The following RMDN2 variants were observed in gnomAD, a reference collection of about 807,000 sequenced individuals.
The protein encoded by RMDN2 is regulator of microtubule dynamics 2.
In RMDN2, 61 loss-of-function variants were observed where a neutral mutation model predicts 52.8. The ratio of observed to expected loss-of-function variants is 1.16; its 90% CI spans 0.94 to 1.43. The LOEUF is 1.43. RMDN2 is among the 40% of genes most tolerant of loss of function. The probability of loss-of-function intolerance (pLI) is 0.00; values close to 1 mark genes in which losing one functional copy is unlikely to be tolerated. For synonymous variants in RMDN2, 180 were observed against 153.1 expected (o/e 1.18, Z -1.30); for missense variants, 592 against 475.3 (o/e 1.25, Z -2.28).
chr2:37,933,020 G>A (rs1191036545), intron 2 of RMDN2, among the ~76,000 whole-genome samples: 2 of 151,740 alleles, frequency 1.3e-5, no homozygotes, highest in Non-Finnish European at 2.9e-5. Context: ...CTTCTCAGAC[G>A]GGGCGGCTGC....
intron 7 of RMDN2, among the ~76,000 whole-genome samples, chr2:37,992,037 G>A (rs1453033686): frequency 2.6e-5 from 4 of 152,178 alleles, no homozygotes; most frequent in Non-Finnish European, 4.4e-5. Context: ...GAAGAAGGAA[G>A]TTTGCTTTTA....
intron 2 of RMDN2, among the ~76,000 whole-genome samples, chr2:37,956,721 T>C (rs912457678): frequency 7.2e-5 from 11 of 152,128 alleles, no homozygotes; most frequent in African/African-American, 1.7e-4. Flanking sequence ...GTTTGTTACA[T>C]AGGTAGACTT....
intron 10 of RMDN2, among the ~76,000 whole-genome samples, chr2:38,035,637 A>G (rs1323031243): frequency 2.0e-5 from 3 of 152,250 alleles, no homozygotes. Context: ...AAAAATGTAT[A>G]TGATAAAAGA....
chr2:37,925,530 TC>T, intron 1 of RMDN2, 105 bp downstream of exon 1: 1 of 152,522 alleles, frequency 6.6e-6, no homozygotes, highest in Non-Finnish European at 1.5e-5. Flanking sequence ...CGACTGCACT[TC>T]CGGGTCGGTG....
At chr2:37,975,191 A>C in intron 3 of RMDN2, 21 bp from the exon 4 acceptor site, 1 of 1,400,618 alleles carries the variant, frequency 7.1e-7, no homozygotes, top group East Asian at 2.3e-5. Context: ...TTTAACAGGC[A>C]ACTCCATCTT....
intron 4 of RMDN2, among the ~76,000 whole-genome samples, chr2:37,979,976 G>A (rs1673090028): frequency 6.6e-6 from 1 of 151,814 alleles, no homozygotes; most frequent in Admixed American, 6.6e-5. Context: ...CTTTTTAATT[G>A]TTTCCAATTT....
intron 10 of RMDN2, among the ~76,000 whole-genome samples, chr2:38,007,485 A>G (rs1056390870): frequency 3.3e-5 from 5 of 151,986 alleles, no homozygotes; most frequent in Non-Finnish European, 7.4e-5. Context: ...TTTCTAGTTT[A>G]TTTGCGTAGA....
upstream of RMDN2, among the ~76,000 whole-genome samples, chr2:37,923,013 C>T (rs1666075828): frequency 6.6e-6 from 1 of 152,174 alleles, no homozygotes; most frequent in Non-Finnish European, 1.5e-5. Flanking sequence ...GATTGTCATG[C>T]CGTACTGGTT....
intron 4 of RMDN2, among the ~76,000 whole-genome samples, chr2:37,979,141 A>G (rs914337583): frequency 7.2e-5 from 11 of 152,228 alleles, no homozygotes; most frequent in African/African-American, 2.4e-4. Flanking sequence ...ATTGAAATAA[A>G]AGTAAAAGAA....
intron 2 of RMDN2, among the ~76,000 whole-genome samples, chr2:37,932,362 A>G (rs1375846746): frequency 6.6e-6 from 1 of 151,984 alleles, no homozygotes; most frequent in African/African-American, 2.4e-5. Flanking sequence ...CATGTTTCAG[A>G]GAGCACAGGG....
In RMDN2 at chr2:37,973,700, G is replaced by C. The variant is rs117005855; in HGVS notation, c.453-340G>C. Among the ~76,000 whole-genome samples the C allele has an allele frequency of 1.5e-4, 23 of 152,244 alleles. No homozygotes were observed. In the East Asian group the frequency reaches 4.4e-3, roughly 29 times the overall value. Reference sequence around the variant, plus strand: ...TGAAGGAGGTGAGGGCGTGAGTTATGTGGCTGTCTAAGGAAACGGCGTTTC... The same window carrying C: ...TGAAGGAGGTGAGGGCGTGAGTTATCTGGCTGTCTAAGGAAACGGCGTTTC... On this transcript the variant is annotated intron_variant, in intron 2 of 10. Transcript: ENST00000354545.
At chr2:38,011,527 A>G (rs900688885) in intron 10 of RMDN2, among the ~76,000 whole-genome samples, 9 of 152,192 alleles carry the variant, frequency 5.9e-5, no homozygotes, top group African/African-American at 1.9e-4. Context: ...ACAAGTTCCA[A>G]TATTTATTGT....
At chr2:37,933,736 C>T (rs574669497) in intron 2 of RMDN2, among the ~76,000 whole-genome samples, 22 of 152,194 alleles carry the variant, frequency 1.4e-4, no homozygotes, top group African/African-American at 2.9e-4. Flanking sequence ...CATCCAGCTT[C>T]GGCTCGGCAT....
intron 10 of RMDN2, among the ~76,000 whole-genome samples, chr2:38,046,876 G>A (rs1055187107): frequency 2.0e-5 from 3 of 151,608 alleles, no homozygotes; most frequent in South Asian, 2.1e-4. Context: ...TCAGCTACTC[G>A]GGAGGCAGAG....
At chr2:38,045,775 T>C (rs533458237) in intron 10 of RMDN2, among the ~76,000 whole-genome samples, 2 of 152,234 alleles carry the variant, frequency 1.3e-5, no homozygotes, top group African/African-American at 2.4e-5. Context: ...GTATGAGAGT[T>C]CTACCAAGGT....
Position 37,962,531 on chromosome 2 carries a change from C to T in RMDN2, c.453-11509C>T, listed in dbSNP as rs542503698. ...CTGCTCAAGCCTCAGTAATGGTGGA[C>T]GCCCCTCCCCCACCAAGCTCAAATG... On this transcript the variant is annotated intron_variant, in intron 2 of 10. Transcript: ENST00000354545. Among the ~76,000 whole-genome samples, 8 of 152,232 alleles carry T rather than the reference C, an allele frequency of 5.3e-5. No individual in the cohort carries two copies. In the East Asian group the frequency reaches 5.8e-4, roughly 11 times the overall value.
downstream of RMDN2, among the ~76,000 whole-genome samples, chr2:38,021,295 C>G (rs1679354958): frequency 6.6e-6 from 1 of 152,164 alleles, no homozygotes; most frequent in Non-Finnish European, 1.5e-5. Context: ...AATTGGCTCT[C>G]TGTAAAATGG....
intron 2 of RMDN2, among the ~76,000 whole-genome samples, chr2:37,958,341 T>TAA (rs1558470700): frequency 6.6e-5 from 10 of 151,590 alleles, no homozygotes; most frequent in African/African-American, 2.0e-4. Context: ...TTTGTAGTTC[T>TAA]TCTTGAAGAA....
intron 7 of RMDN2, among the ~76,000 whole-genome samples, chr2:37,994,345 T>G (rs1046491837): frequency 6.6e-6 from 1 of 152,226 alleles, no homozygotes; most frequent in Non-Finnish European, 1.5e-5. Context: ...TACGGCCATG[T>G]AACAGGACAA....
Sources: allele counts gnomAD v4.1 joint callset (sites outside exome capture counted in the v4.1 genomes callset), GRCh38; gene constraint gnomAD v4.1.1; transcripts MANE v1.5; gene names NCBI Gene and HGNC (gene_info 2026-07-23, HGNC 2026-07-21).